The following ELP2 variants were observed in gnomAD, a reference collection of about 807,000 sequenced individuals.
ELP2 encodes elongator acetyltransferase complex subunit 2, also known as elongator complex protein 2.
Under a neutral mutation model 119.2 loss-of-function variants are expected in ELP2, and 90 were observed. That is an observed-to-expected ratio of 0.75 (90% confidence interval 0.64 to 0.90). The LOEUF (loss-of-function observed/expected upper bound fraction) is 0.90. ELP2 is among the 40% of genes least tolerant of loss of function. The probability of loss-of-function intolerance (pLI) is 0.00; values close to 1 mark genes in which losing one functional copy is unlikely to be tolerated. For synonymous variants in ELP2, 339 were observed against 331.0 expected (o/e 1.02, Z -0.26); for missense variants, 921 against 967.8 (o/e 0.95, Z 0.64).
At chr18:36,160,909 C>CT in intron 16 of ELP2, 23 bp from the exon 17 acceptor site, 1 of 1,543,566 alleles carries the variant, frequency 6.5e-7, no homozygotes, top group African/African-American at 1.4e-5. Flanking sequence ...GCTAATAGTA[C>CT]TTTTTTTCTT....
intron 20 of ELP2, 109 bp downstream of exon 20, chr18:36,170,305 T>C: frequency 7.2e-7 from 1 of 1,393,602 alleles, no homozygotes. Flanking sequence ...TTACTGTCTT[T>C]TTTTTCTTTT....
intron 13 of ELP2, among the ~76,000 whole-genome samples, chr18:36,156,866 C>G (rs1676043941): frequency 6.6e-6 from 1 of 152,092 alleles, no homozygotes; most frequent in South Asian, 2.1e-4. Context: ...GCTCAAAATA[C>G]TACAAAGCTG....
chr18:36,145,280 C>CT (rs2068588775), intron 9 of ELP2: 2 of 457,158 alleles, frequency 4.4e-6, no homozygotes, highest in South Asian at 2.3e-5. Flanking sequence ...CCCCCAGTAA[C>CT]TTTTTATCTT....
Position 36,159,010 on chromosome 18 carries a change from T to A in ELP2, c.1534+106T>A, listed in dbSNP as rs568514177. Reference sequence around the variant, plus strand: ...TGTTTGTTACAGCTGATTTTTTTTTTAAATCACAGTATATCTTTTCTATCA... The same window carrying A: ...TGTTTGTTACAGCTGATTTTTTTTTAAAATCACAGTATATCTTTTCTATCA... On this transcript the variant is annotated intron_variant, in intron 14 of 21. Transcript: ENST00000358232. The A allele has an allele frequency of 1.7e-4, 129 of 775,628 alleles. 2 individuals carry two copies. The highest frequency in any genetic ancestry group is 1.6e-3 in the South Asian group (107 of 67,746). The allele number at this position is 775,628 out of a possible 1,614,324, so 48.0% of individuals were successfully genotyped here.
chr18:36,166,895 A>G lies in ELP2; in HGVS notation c.1955-206A>G, dbSNP rs1476694949. The G allele has an allele frequency of 1.0e-5, 4 of 386,676 alleles. No homozygotes were observed. The South Asian group carries it at 1.7e-4, about 17-fold the overall frequency. 24.0% of individuals were successfully genotyped at this position (386,676 alleles called of 1,614,324 possible). ...AGTCACTAGAGAGTGACCAGTCAGT[A>G]CAAAAGCATTCCCTACTAGAAAAAT... On this transcript the variant is annotated intron_variant, in intron 18 of 21. Transcript: ENST00000358232.
intron 17 of ELP2, 66 bp from the exon 18 acceptor site, chr18:36,164,409 T>C (rs1396333468): frequency 1.4e-6 from 2 of 1,457,796 alleles, no homozygotes; most frequent in African/African-American, 1.4e-5. Context: ...ATGTGTTGTT[T>C]TTAAAATGTT....
At chr18:36,155,961 T>C (rs2090560130) in intron 12 of ELP2, among the ~76,000 whole-genome samples, 1 of 152,196 alleles carries the variant, frequency 6.6e-6, no homozygotes, top group Non-Finnish European at 1.5e-5. Context: ...AGGGTAGGGC[T>C]ATAGGTAGGG....
Position 36,158,860 on chromosome 18 carries a change from C to T in ELP2, c.1490C>T (p.Ala497Val). 1 of 1,609,584 alleles carries T rather than the reference C, an allele frequency of 6.2e-7. No homozygotes were observed. Among genetic ancestry groups the T allele is most frequent in the Admixed American group, 1.7e-5 (1 of 60,000 alleles). ...CNQDSDLPEGATVPALGLSNK... is the reference protein window; with the variant it reads ...CNQDSDLPEGVTVPALGLSNK... ...CAAGATAGTGATCTTCCAGAAGGAG[C>T]CACTGTCCCTGCATTGGGATTATCA... The change falls in exon 14 of 22, where the codon GCC (alanine) becomes GTC (valine). Residue 497 changes from alanine to valine, a missense_variant. Transcript: ENST00000358232.
chr18:36,148,347 C>A (rs551539498), intron 11 of ELP2, among the ~76,000 whole-genome samples: 3 of 152,134 alleles, frequency 2.0e-5, no homozygotes, highest in African/African-American at 7.2e-5. Flanking sequence ...GCTGAGATTA[C>A]AGGTGTGACC....
At chr18:36,146,127 C>T in intron 10 of ELP2, 79 bp downstream of exon 10, 1 of 1,570,744 alleles carries the variant, frequency 6.4e-7, no homozygotes, top group East Asian at 2.2e-5. Flanking sequence ...TATTGATAGA[C>T]CTGCAAATTT....
At chr18:36,132,465 T>A (rs542424922) in intron 1 of ELP2, among the ~76,000 whole-genome samples, 1 of 152,348 alleles carries the variant, frequency 6.6e-6, no homozygotes, top group South Asian at 2.1e-4. Context: ...TCCTTTTTCT[T>A]AGCCATGAGA....
At chr18:36,152,702 G>A (rs55928542) in intron 11 of ELP2, among the ~76,000 whole-genome samples, 6 of 152,126 alleles carry the variant, frequency 3.9e-5, no homozygotes, top group Admixed American at 6.5e-5. Flanking sequence ...ATAATCTCCC[G>A]TGTGTCTGGA....
At chr18:36,174,325 G>T (rs1376452741) in intron 21 of ELP2, among the ~76,000 whole-genome samples, 160 bp from the exon 22 acceptor site, 3 of 152,012 alleles carry the variant, frequency 2.0e-5, no homozygotes, top group Admixed American at 6.6e-5. Context: ...GCAGTTTTAA[G>T]TAAATATAGT....
intron 21 of ELP2, among the ~76,000 whole-genome samples, chr18:36,173,418 A>G (rs972819138): frequency 6.6e-6 from 1 of 152,194 alleles, no homozygotes; most frequent in East Asian, 1.9e-4. Flanking sequence ...CTTGCCATTT[A>G]TATTTATTAT....
chr18:36,164,995 G>A, intron 18 of ELP2: 6 of 297,838 alleles, frequency 2.0e-5, no homozygotes, highest in Admixed American at 4.8e-5. Flanking sequence ...AAAGCCTAAT[G>A]GATAACTTAT....
chr18:36,156,217 A>G (rs1539824), intron 12 of ELP2, among the ~76,000 whole-genome samples: 52,684 of 152,032 alleles, frequency 0.35, 10,696 homozygotes, highest in South Asian at 0.6. Flanking sequence ...GGTAGATTCA[A>G]ATAAATAGAG....
chr18:36,164,733 C>T lies in ELP2; in HGVS notation c.1954+66C>T. ...TTATGTTCATTTTATCTACATTAAG[C>T]AGCTTTAGTTAAGAGAAAGATAACA... On this transcript the variant is annotated intron_variant, in intron 18 of 21. Coordinates refer to ENST00000358232, the MANE Select transcript of ELP2 (RefSeq NM_018255.4). 5.4e-6 allele frequency: 8 copies of T among 1,477,442 alleles called. No homozygotes were observed. In the South Asian group the frequency reaches 9.2e-5, roughly 17 times the overall value. 91.5% of individuals were successfully genotyped at this position (1,477,442 alleles called of 1,614,324 possible).
chr18:36,155,731 G>T (rs1405181802), intron 12 of ELP2, among the ~76,000 whole-genome samples: 1 of 152,126 alleles, frequency 6.6e-6, no homozygotes, highest in Admixed American at 6.5e-5. Flanking sequence ...TAGAGACAGG[G>T]TCTTGCTCTG....
rs1171536290 is a variant in ELP2, at chr18:36,175,410, T to G, written c.*769T>G. The G allele has an allele frequency of 6.6e-6, 1 of 152,188 alleles. No homozygotes were observed. The highest frequency in any genetic ancestry group is 2.4e-5 in the African/African-American group (1 of 41,450). The allele number at this position is 152,188 out of a possible 1,614,324, so 9.4% of individuals were successfully genotyped here. ...CTTCTTTCTAGCATCTGCCAGACATTGTAGAGTTTCGCAAGCAGTTGTAGG... is the reference window on the plus strand; with the variant it reads ...CTTCTTTCTAGCATCTGCCAGACATGGTAGAGTTTCGCAAGCAGTTGTAGG... On this transcript the variant is annotated 3_prime_UTR_variant, in exon 22 of 22. Transcript: ENST00000358232.
Sources: gnomAD v4.1 joint callset for allele counts (sites outside exome capture counted in the v4.1 genomes callset) on GRCh38, gnomAD v4.1.1 for gene constraint, MANE v1.5 for transcripts, NCBI Gene and HGNC (gene_info 2026-07-23, HGNC 2026-07-21) for gene names.